The following MARCHF1 variants were observed in gnomAD, a reference collection of about 807,000 sequenced individuals.
MARCHF1 encodes membrane associated ring-CH-type finger 1.
A neutral mutation model predicts 54.2 loss-of-function variants in MARCHF1; 40 were observed. The observed-to-expected ratio is 0.74, with a 90% CI of 0.57 to 0.96. MARCHF1 has a LOEUF of 0.96. Among genes scored for constraint, MARCHF1 ranks in the 40% least tolerant of loss-of-function variants. The pLI, the probability that MARCHF1 is intolerant of heterozygous loss-of-function variation, is 0.00. For missense variants in MARCHF1, 586 were observed against 656.5 expected, an observed-to-expected ratio of 0.89 and a Z score of 1.17; for synonymous variants, 236 against 236.3, an observed-to-expected ratio of 1.00 and a Z score of 0.01.
At chr4:163,821,829 C>T (rs1185891927) in intron 4 of MARCHF1, among the ~76,000 whole-genome samples, 2 of 148,128 alleles carry the variant, frequency 1.4e-5, no homozygotes, top group Non-Finnish European at 3.0e-5. Context: ...TCAGAGAAAA[C>T]AGACTACTCA....
chr4:164,250,208 A>C (rs2111241486), intron 1 of MARCHF1, among the ~76,000 whole-genome samples: 1 of 152,252 alleles, frequency 6.6e-6, no homozygotes, highest in South Asian at 2.1e-4. Flanking sequence ...GTGCATGGTT[A>C]AAGTCATTAT....
At chr4:163,667,630 C>T (rs1021034058) in intron 5 of MARCHF1, among the ~76,000 whole-genome samples, 1 of 146,068 alleles carries the variant, frequency 6.8e-6, no homozygotes, top group Non-Finnish European at 1.5e-5. Flanking sequence ...ATTATACAAA[C>T]TTTTTTTTTT....
chr4:163,747,730 GAATT>G (rs1251422766), intron 4 of MARCHF1, among the ~76,000 whole-genome samples: 3 of 152,166 alleles, frequency 2.0e-5, no homozygotes, highest in African/African-American at 7.2e-5. Context: ...ACTGATAAGA[GAATT>G]AGTTAGCTGA....
At chr4:163,554,404 A>G (rs1459433105) in intron 8 of MARCHF1, among the ~76,000 whole-genome samples, 2 of 152,212 alleles carry the variant, frequency 1.3e-5, no homozygotes, top group East Asian at 3.9e-4. Flanking sequence ...GGTGTTGGAA[A>G]GAACAATGGA....
intron 4 of MARCHF1, among the ~76,000 whole-genome samples, chr4:163,814,679 A>G (rs1174239889): frequency 6.6e-6 from 1 of 152,216 alleles, no homozygotes; most frequent in East Asian, 1.9e-4. Flanking sequence ...GAGATGGACT[A>G]AAAGGCAGAA....
intron 4 of MARCHF1, among the ~76,000 whole-genome samples, chr4:163,755,025 C>T (rs921416644): frequency 6.6e-6 from 1 of 152,108 alleles, no homozygotes; most frequent in Non-Finnish European, 1.5e-5. Flanking sequence ...CCCAAGGGGA[C>T]ATTCGGCAAT....
At chr4:163,978,060 C>G (rs913250544) in intron 3 of MARCHF1, among the ~76,000 whole-genome samples, 3 of 152,104 alleles carry the variant, frequency 2.0e-5, no homozygotes, top group African/African-American at 7.2e-5. Context: ...GCTATAAATT[C>G]TTGATTCCAG....
intron 1 of MARCHF1, among the ~76,000 whole-genome samples, chr4:164,114,168 C>T (rs1028918872): frequency 1.3e-5 from 2 of 151,754 alleles, no homozygotes; most frequent in African/African-American, 4.8e-5. Flanking sequence ...ACCTATCAGT[C>T]GATTTATCTA....
intron 1 of MARCHF1, among the ~76,000 whole-genome samples, chr4:164,169,380 A>G (rs184695064): frequency 1.3e-5 from 2 of 152,194 alleles, no homozygotes; most frequent in African/African-American, 4.8e-5. Context: ...GAGCTTGTTC[A>G]GTCTAATAAA....
intron 1 of MARCHF1, among the ~76,000 whole-genome samples, chr4:164,205,484 C>G (rs1331628927): frequency 6.6e-6 from 1 of 152,134 alleles, no homozygotes; most frequent in East Asian, 1.9e-4. Flanking sequence ...AATAAACTAA[C>G]AGGAAACAGG....
rs796989301 is a variant in MARCHF1, at chr4:164,352,778, A to C, written c.-323+31092T>G. On this transcript the variant is annotated intron_variant, in intron 1 of 9. Transcript: ENST00000514618. Reference sequence around the variant, plus strand: ...ACATAACAATATTAACTTTAAATGTAAATGGACTAAATGCTCCAATTAAAA... The same window carrying C: ...ACATAACAATATTAACTTTAAATGTCAATGGACTAAATGCTCCAATTAAAA... Among the ~76,000 whole-genome samples, 539 of 125,884 alleles carry C rather than the reference A, an allele frequency of 4.3e-3. 2 individuals carry two copies. The highest frequency in any genetic ancestry group is 0.013 in the African/African-American group (466 of 36,228). The allele number at this position is 125,884 out of a possible 152,430, so 82.6% of individuals were successfully genotyped here. A position where few individuals can be genotyped will look rare whatever the true frequency, so the allele number is the denominator to read the frequency against.
chr4:163,972,713 A>ATT (rs34422259), intron 3 of MARCHF1, among the ~76,000 whole-genome samples: 12,893 of 139,344 alleles, frequency 0.093, 721 homozygotes, highest in Non-Finnish European at 0.13. Flanking sequence ...TGGCCGGCTA[A>ATT]TTTTTTTTTT....
At chr4:163,869,850 T>A (rs534090303) in intron 3 of MARCHF1, among the ~76,000 whole-genome samples, 87 of 152,218 alleles carry the variant, frequency 5.7e-4, no homozygotes, top group African/African-American at 2.1e-3. Context: ...CACTCTCTTG[T>A]CGTTAATATA....
chr4:164,004,709 C>G (rs188433324), intron 2 of MARCHF1, among the ~76,000 whole-genome samples: 20 of 152,048 alleles, frequency 1.3e-4, no homozygotes, highest in East Asian at 5.8e-4. Context: ...ATCACCCCCC[C>G]CAACTGGAAG....
chr4:163,550,396 T>C (rs1365030378), intron 8 of MARCHF1, among the ~76,000 whole-genome samples: 1 of 152,152 alleles, frequency 6.6e-6, no homozygotes, highest in African/African-American at 2.4e-5. Context: ...CACCTATGGT[T>C]TCCAGCTTCC....
At chr4:163,948,676 C>A (rs1360533539) in intron 3 of MARCHF1, among the ~76,000 whole-genome samples, 1 of 146,098 alleles carries the variant, frequency 6.8e-6, no homozygotes, top group Non-Finnish European at 1.5e-5. Context: ...AATGAAGCAA[C>A]AGGAGTAAAG....
chr4:164,258,819 T>C (rs370077442), intron 1 of MARCHF1, among the ~76,000 whole-genome samples: 24 of 152,300 alleles, frequency 1.6e-4, no homozygotes, highest in African/African-American at 5.3e-4. Flanking sequence ...GGAATTGTTA[T>C]CTTTAGAGTC....
intron 3 of MARCHF1, among the ~76,000 whole-genome samples, chr4:163,886,232 T>C (rs986861518): frequency 1.3e-5 from 2 of 150,372 alleles, no homozygotes; most frequent in African/African-American, 2.4e-5. Context: ...TAAATATATA[T>C]TGATATAGAG....
At chr4:164,284,174 T>G (rs746709731) in intron 1 of MARCHF1, among the ~76,000 whole-genome samples, 1 of 151,044 alleles carries the variant, frequency 6.6e-6, no homozygotes, top group Non-Finnish European at 1.5e-5. Flanking sequence ...AGAAAATACA[T>G]ATTTTTAGTT....
Sources: gnomAD v4.1 joint callset for allele counts (sites outside exome capture counted in the v4.1 genomes callset) on GRCh38, gnomAD v4.1.1 for gene constraint, MANE v1.5 for transcripts, NCBI Gene and HGNC (gene_info 2026-07-23, HGNC 2026-07-21) for gene names.